The following MTCH1 variants were observed in gnomAD, a reference collection of about 807,000 sequenced individuals.
MTCH1 encodes the protein mitochondrial carrier 1, also known as mitochondrial carrier homolog 1.
MTCH1 carries 23 observed loss-of-function variants against 49.3 expected under a neutral mutation model. The ratio of observed to expected loss-of-function variants is 0.47; its 90% CI spans 0.34 to 0.66. MTCH1 has a LOEUF of 0.66. Among genes scored for constraint, MTCH1 ranks in the 30% least tolerant of loss-of-function variants. The pLI is 0.01. For synonymous variants in MTCH1, 229 were observed against 215.2 expected (o/e 1.06, Z -0.56); for missense variants, 397 against 532.1 (o/e 0.75, Z 2.50).
chr6:36,978,997 T>A (rs1019892303), intron 2 of MTCH1, among the ~76,000 whole-genome samples: 1 of 151,272 alleles, frequency 6.6e-6, no homozygotes, highest in South Asian at 2.1e-4. Flanking sequence ...AAAAATTACA[T>A]TTTTCTTGAG....
chr6:36,979,383 AC>A (rs1405521037), intron 2 of MTCH1, among the ~76,000 whole-genome samples: 12 of 152,220 alleles, frequency 7.9e-5, no homozygotes, highest in Admixed American at 7.9e-4. Flanking sequence ...AACATTTTAA[AC>A]ATGTTTTAAA....
In MTCH1 at chr6:36,981,661, C is replaced by T. The variant is rs1314001697; in HGVS notation, c.333G>A (p.Glu111=). Residue 111 remains glutamate (E), a synonymous_variant, in exon 2 of 12, where the codon GAG becomes GAA. Coordinates refer to ENST00000373627, the MANE Select transcript of MTCH1 (RefSeq NM_001271641.2). ...TGGTCCCAAGGGTGGGGGGCATCGG[C>T]TCATGACCCACCTTCAGAATTAACA... ...YVKLLIQVGH[E]PMPPTLGTNV... The T allele has an allele frequency of 3.1e-6, 5 of 1,612,650 alleles. No individual in the cohort carries two copies. In the Admixed American group the frequency reaches 8.4e-5, roughly 27 times the overall value.
intron 8 of MTCH1, chr6:36,970,980 T>A: frequency 2.0e-6 from 1 of 502,256 alleles, no homozygotes; most frequent in African/African-American, 1.9e-5. Context: ...CGTGTCTGCC[T>A]GATCAACATC....
At chr6:36,981,796 G>T in intron 1 of MTCH1, 124 bp from the exon 2 acceptor site, 1 of 802,234 alleles carries the variant, frequency 1.2e-6, no homozygotes, top group Non-Finnish European at 1.9e-6. Flanking sequence ...TGTGGCTCTT[G>T]TTCATGTTTT....
At chr6:36,985,058 A>G (rs928203444) in intron 1 of MTCH1, among the ~76,000 whole-genome samples, 4 of 132,690 alleles carry the variant, frequency 3.0e-5, no homozygotes, top group Non-Finnish European at 6.4e-5. Flanking sequence ...CCCTCCCCCA[A>G]TGCTGGCCCT....
chr6:36,976,132 G>T (rs534228642), intron 6 of MTCH1, among the ~76,000 whole-genome samples: 1 of 152,170 alleles, frequency 6.6e-6, no homozygotes. Context: ...AGAGTAGGAG[G>T]GGGTAGTAAG....
rs950756309 is a variant in MTCH1, at chr6:36,972,721, G to C, written c.837C>G (p.Ala279=). 5.2e-6 allele frequency: 8 copies of C among 1,552,940 alleles called. No individual in the cohort carries two copies. The highest frequency in any genetic ancestry group is 7.0e-6 in the Non-Finnish European group (8 of 1,147,628). ...GCNLLAHFIN[A]YLVDDSVSDT... ...CACTCACGCTGTCATCCACCAGGTAGGCATTGATGAAGTGGGCCAGCAGGT... is the reference window on the plus strand; with the variant it reads ...CACTCACGCTGTCATCCACCAGGTACGCATTGATGAAGTGGGCCAGCAGGT... Residue 279 remains alanine, a synonymous_variant, in exon 8 of 12, where the codon GCC becomes GCG. Coordinates refer to ENST00000373627, the MANE Select transcript of MTCH1 (RefSeq NM_001271641.2). The surrounding 1 kb of genome is among the most constrained non-coding windows in gnomAD (Gnocchi z 4.1).
intron 7 of MTCH1, among the ~76,000 whole-genome samples, chr6:36,973,394 T>C (rs1447300159): frequency 6.6e-6 from 1 of 152,086 alleles, no homozygotes; most frequent in Admixed American, 6.5e-5. Context: ...TTACAATGTG[T>C]TTGCTTGTTT....
chr6:36,974,219 G>A (rs1231309364), intron 7 of MTCH1, among the ~76,000 whole-genome samples: 1 of 151,744 alleles, frequency 6.6e-6, no homozygotes, highest in African/African-American at 2.4e-5. Context: ...TTTTCCCCAA[G>A]AGACAGGGTC....
Position 36,982,550 on chromosome 6 carries a change from G to A in MTCH1, c.322-878C>T, listed in dbSNP as rs1764137668. On this transcript the variant is annotated intron_variant, in intron 1 of 11. Coordinates refer to ENST00000373627, the MANE Select transcript of MTCH1 (RefSeq NM_001271641.2). The surrounding 1 kb of genome is among the most constrained non-coding windows in gnomAD (Gnocchi z 4.1). ...ATACAAGCACCCGCCACCATACCCG[G>A]CAAATTTTTTGTATTTTTAGTAGAG... 6.6e-6 allele frequency among the ~76,000 whole-genome samples: 1 copy of A among 151,984 alleles called. No homozygotes were observed. Among genetic ancestry groups the A allele is most frequent in the Admixed American group, 6.6e-5 (1 of 15,258 alleles).
intron 8 of MTCH1, among the ~76,000 whole-genome samples, chr6:36,971,797 A>T (rs1298871100): frequency 6.6e-6 from 1 of 152,106 alleles, no homozygotes; most frequent in Non-Finnish European, 1.5e-5. Context: ...AAGCCACTTC[A>T]AGAAGGAATG....
chr6:36,975,672 C>T lies in MTCH1; in HGVS notation c.747G>A (p.Leu249=), dbSNP rs778749264. 4.3e-6 allele frequency: 7 copies of T among 1,614,122 alleles called. No individual in the cohort carries two copies. The South Asian group carries it at 6.6e-5, about 15-fold the overall frequency. ...AACTCACGTACACGAAGAATCCCAG[C>T]AGCCCTTCCTCTTTGAAAATCTTCC... ...SIGKIFKEEG[L]LGFFVGLIPH... is the part of the protein sequence containing the mutation. Residue 249 remains leucine, a synonymous_variant, in exon 7 of 12, where the codon CTG becomes CTA. Coordinates refer to ENST00000373627, the MANE Select transcript of MTCH1 (RefSeq NM_001271641.2).
intron 3 of MTCH1, 131 bp from the exon 4 acceptor site, chr6:36,978,286 AC>A: frequency 1.1e-6 from 1 of 911,244 alleles, no homozygotes; most frequent in Non-Finnish European, 1.7e-6. Flanking sequence ...ACCTCAGGTA[AC>A]CTCCAGGTCT....
rs1764133191 is a variant in MTCH1, at chr6:36,982,464, C to T, written c.322-792G>A. Among the ~76,000 whole-genome samples the T allele has an allele frequency of 6.6e-6, 1 of 152,044 alleles. No individual in the cohort carries two copies. Among genetic ancestry groups the T allele is most frequent in the African/African-American group, 2.4e-5 (1 of 41,360 alleles). On this transcript the variant is annotated intron_variant, in intron 1 of 11. Coordinates refer to ENST00000373627, the MANE Select transcript of MTCH1 (RefSeq NM_001271641.2). This position sits in a 1 kb window ranked among gnomAD's most constrained non-coding sequence, Gnocchi z 4.1. ...CGTGCTCTCAGCTCACCGCAACCTC[C>T]ACCTCCTCCACCTCCCGGGTTCAAG...
chr6:36,970,955 C>T (rs961996939), intron 8 of MTCH1: 5 of 541,864 alleles, frequency 9.2e-6, no homozygotes, highest in African/African-American at 3.8e-5. Context: ...GACTGTGAGC[C>T]TCAAGGGCTG....
intron 8 of MTCH1, chr6:36,970,953 G>A: frequency 1.8e-6 from 1 of 542,978 alleles, no homozygotes; most frequent in Non-Finnish European, 3.3e-6. Context: ...CGGACTGTGA[G>A]CCTCAAGGGC....
chr6:36,985,955 C>T lies in MTCH1; in HGVS notation c.219G>A (p.Gly73=). 1.9e-6 allele frequency: 3 copies of T among 1,550,232 alleles called. No individual in the cohort carries two copies. Among genetic ancestry groups the T allele is most frequent in the East Asian group, 2.4e-5 (1 of 40,858 alleles). The change falls in exon 1 of 12, where the codon GGG becomes GGA. Residue 73 remains glycine, a synonymous_variant. Coordinates refer to ENST00000373627, the MANE Select transcript of MTCH1 (RefSeq NM_001271641.2). The stretch of plus-strand genomic sequence containing the variant: ...CAGTGGTCGGGGCGTTGTCCCCAGA[C>T]CCCAGGCCCCCTGACCCGCCATCCA... ...RRMDGGSGGL[G]SGDNAPTTEA...
intron 2 of MTCH1, among the ~76,000 whole-genome samples, chr6:36,981,306 T>TCCTA (rs1764078429): frequency 6.6e-6 from 1 of 152,142 alleles, no homozygotes; most frequent in Non-Finnish European, 1.5e-5. Flanking sequence ...GGGACCAGTG[T>TCCTA]CCTAGATTGG....
rs2150746315 is a variant in MTCH1, at chr6:36,973,000, T to C, written c.762-204A>G. Among the ~76,000 whole-genome samples, 1 of 152,292 alleles carries C rather than the reference T, an allele frequency of 6.6e-6. No individual in the cohort carries two copies. Among genetic ancestry groups the C allele is most frequent in the South Asian group, 2.1e-4 (1 of 4,832 alleles). On this transcript the variant is annotated intron_variant, in intron 7 of 11. Transcript: ENST00000373627. The surrounding 1 kb of genome is among the most constrained non-coding windows in gnomAD (Gnocchi z 4.1). ...CCTTTTCCCATGGGGAGGTGTTCTA[T>C]GCCGCTTTGGATGCCATAAATTAGC... is the stretch of plus-strand genomic sequence containing the variant.
Sources: gnomAD v4.1 joint callset for allele counts (sites outside exome capture counted in the v4.1 genomes callset) on GRCh38, gnomAD v4.1.1 for gene constraint, Gnocchi (gnomAD v3.1) non-coding constraint, MANE v1.5 for transcripts, NCBI Gene and HGNC (gene_info 2026-07-23, HGNC 2026-07-21) for gene names.